Variants in ACACB observed in about 807,000 individuals in gnomAD.
ACACB encodes acetyl-CoA carboxylase 2.
In ACACB, 209 loss-of-function variants were observed where a neutral mutation model predicts 278.8. The observed-to-expected ratio is 0.75, with a 90% CI of 0.67 to 0.84. The LOEUF (loss-of-function observed/expected upper bound fraction) is 0.84. Among genes scored for constraint, ACACB ranks in the 40% least tolerant of loss-of-function variants. ACACB has a pLI of 0.00. For synonymous variants in ACACB, 1,174 were observed against 1,285.6 expected, an observed-to-expected ratio of 0.91 and a Z score of 1.86; for missense variants, 2,850 against 3,269.0, an observed-to-expected ratio of 0.87 and a Z score of 3.13.
At chr12:109,245,499 T>C in intron 37 of ACACB, 127 bp from the exon 38 acceptor site, 1 of 1,000,956 alleles carries the variant, frequency 1.0e-6, no homozygotes, top group African/African-American at 1.6e-5. Context: ...AAATATTTCA[T>C]GATTCAAAAA....
chr12:109,146,815 C>T (rs981081828), intron 2 of ACACB, among the ~76,000 whole-genome samples: 4 of 152,104 alleles, frequency 2.6e-5, no homozygotes, highest in Non-Finnish European at 5.9e-5. Context: ...GCTGGGACTA[C>T]AGGCACGTGC....
chr12:109,200,599 G>C (rs1353562373), intron 18 of ACACB, among the ~76,000 whole-genome samples: 1 of 152,120 alleles, frequency 6.6e-6, no homozygotes, highest in East Asian at 1.9e-4. Context: ...CCATGTGGCA[G>C]GTGCTGTTCT....
At chr12:109,175,117 A>G (rs549407605) in intron 7 of ACACB, among the ~76,000 whole-genome samples, 120 of 152,322 alleles carry the variant, frequency 7.9e-4, no homozygotes, top group African/African-American at 2.6e-3. Flanking sequence ...AGCTAAATTT[A>G]TGTGTGCATT....
chr12:109,246,286 C>T lies in ACACB; in HGVS notation c.5409C>T (p.Gly1803=). The part of the protein sequence containing the change: ...NDITFRIGSF[G]PGEDLLYLRA... ...TCACCTTTCGCATTGGATCCTTTGG[C>T]CCTGGAGAGGACCTTCTGTACCTGC... Residue 1803 remains glycine, a synonymous_variant, in exon 39 of 53, where the codon GGC becomes GGT. Transcript: ENST00000338432. 2 of 1,612,940 alleles carry T rather than the reference C, an allele frequency of 1.2e-6. No individual in the cohort carries two copies. The highest frequency in any genetic ancestry group is 1.7e-6 in the Non-Finnish European group (2 of 1,179,814).
Position 109,222,777 on chromosome 12 carries a change from G to A in ACACB, c.3679-22G>A, listed in dbSNP as rs370610378. The stretch of plus-strand genomic sequence containing the variant: ...CCCTGGGAGGTTGGCTCACGCCAGC[G>A]CCCCCATCCCTCCCCCTGCAGATCC... On this transcript the variant is annotated intron_variant, in intron 25 of 52. Transcript: ENST00000338432. 76 of 1,598,340 alleles carry A rather than the reference G, an allele frequency of 4.8e-5. 1 individual carries two copies. The East Asian group carries it at 5.6e-4, about 12-fold the overall frequency.
rs2045334120 is a variant in ACACB, at chr12:109,201,611, G to T, written c.2823G>T (p.Arg941=). 1 of 1,614,058 alleles carries T rather than the reference G, an allele frequency of 6.2e-7. No individual in the cohort carries two copies. The highest frequency in any genetic ancestry group is 8.5e-7 in the Non-Finnish European group (1 of 1,180,042). The part of the protein sequence containing the change: ...IMTLNVQERG[R]VKYIKRPGAV... Reference sequence around the variant, plus strand: ...CCCTGAACGTTCAGGAAAGAGGCCGGGTGAAGTACATCAAGCGTCCAGGTG... The same window carrying T: ...CCCTGAACGTTCAGGAAAGAGGCCGTGTGAAGTACATCAAGCGTCCAGGTG... Residue 941 remains arginine (R), a synonymous_variant, in exon 19 of 53, where the codon CGG becomes CGT. Transcript: ENST00000338432.
chr12:109,167,036 T>C, intron 3 of ACACB, 43 bp downstream of exon 3: 2 of 1,611,398 alleles, frequency 1.2e-6, no homozygotes, highest in Non-Finnish European at 1.7e-6. Context: ...CCGATTGGGG[T>C]GCAGGGGCCC....
chr12:109,238,548 G>A (rs1352152625), intron 34 of ACACB, among the ~76,000 whole-genome samples: 1 of 144,380 alleles, frequency 6.9e-6, no homozygotes, highest in Non-Finnish European at 1.5e-5. Context: ...TTATATAAAT[G>A]TATATATAAT....
chr12:109,129,637 C>T (rs1381632122), intron 1 of ACACB, among the ~76,000 whole-genome samples: 2 of 152,250 alleles, frequency 1.3e-5, no homozygotes, highest in South Asian at 2.1e-4. Flanking sequence ...TCAGCCTGGT[C>T]CATGCTGCTG....
In ACACB at chr12:109,262,426, G is replaced by A. The variant is rs2047403118; in HGVS notation, c.6744G>A (p.Met2248Ile). The A allele has an allele frequency of 4.3e-6, 7 of 1,613,902 alleles. No homozygotes were observed. The highest frequency in any genetic ancestry group is 5.9e-6 in the Non-Finnish European group (7 of 1,179,950). ...KFRKKDLIKS[M>I]RRIDPAYKKL... is the part of the protein sequence containing the mutation. The stretch of plus-strand genomic sequence containing the variant: ...GAAAGAAAGATCTGATAAAGTCCAT[G>A]AGAAGGATCGATCCAGCTTACAAGA... The change falls in exon 49 of 53, where the codon ATG (methionine) becomes ATA (isoleucine). Residue 2248 changes from methionine (M) to isoleucine (I), a missense_variant. Met to Ile is a conservative substitution (Grantham distance 10, BLOSUM62 1). This residue lies in a region of ACACB where 579 missense variants were observed against 684.6 expected (regional missense o/e 0.85). Transcript: ENST00000338432.
rs140166602 is a variant in ACACB at position 109,219,704 on chromosome 12, A to G, written c.3564+2784A>G. Among the ~76,000 whole-genome samples the G allele has an allele frequency of 1.9e-3, 289 of 152,336 alleles. 1 individual carries two copies. Among genetic ancestry groups the G allele is most frequent in the South Asian group, 0.013 (65 of 4,826 alleles). On this transcript the variant is annotated intron_variant, in intron 24 of 52. Transcript: ENST00000338432. ...GCGCACGTACGTTCTTATTAGAGAA[A>G]AATCAAATATGATAATGTGGCAAAA...
At position 109,222,612 on chromosome 12, in the gene ACACB, G is replaced by A; in HGVS notation, c.3670G>A (p.Ala1224Thr). ...KSEHCKVALRARQILIASHLP... is the reference protein window; with the variant it reads ...KSEHCKVALRTRQILIASHLP... Reference sequence around the variant, plus strand: ...CGAGCACTGCAAAGTGGCCCTCAGAGCCCGGCAGGTAGGGTCTCAGGGTGC... The same window carrying A: ...CGAGCACTGCAAAGTGGCCCTCAGAACCCGGCAGGTAGGGTCTCAGGGTGC... Residue 1224 changes from alanine to threonine, a missense_variant, in exon 25 of 53, where the codon GCC becomes ACC. This residue lies in a region of ACACB where 2,265 missense variants were observed against 2,561.3 expected (regional missense o/e 0.88). Transcript: ENST00000338432. 1.2e-6 allele frequency: 2 copies of A among 1,614,112 alleles called. No homozygotes were observed. The highest frequency in any genetic ancestry group is 1.1e-5 in the South Asian group (1 of 91,082).
At chr12:109,209,116 G>C (rs1312299062) in intron 20 of ACACB, 49 bp from the exon 21 acceptor site, 2 of 1,526,274 alleles carry the variant, frequency 1.3e-6, no homozygotes, top group African/African-American at 2.7e-5. Flanking sequence ...GGGCGGTGGT[G>C]CCCATGCCCA....
At chr12:109,205,926 G>A (rs1174473843) in intron 19 of ACACB, among the ~76,000 whole-genome samples, 1 of 152,140 alleles carries the variant, frequency 6.6e-6, no homozygotes, top group Non-Finnish European at 1.5e-5. Context: ...AGACGAATGA[G>A]CACATTTAGT....
intron 37 of ACACB, among the ~76,000 whole-genome samples, chr12:109,244,342 C>T (rs1054459589): frequency 2.6e-5 from 4 of 152,176 alleles, no homozygotes; most frequent in African/African-American, 4.8e-5. Context: ...TTCCTGCTGT[C>T]CCTAGCCAAG....
At chr12:109,262,689 C>T (rs539184556) in intron 49 of ACACB, among the ~76,000 whole-genome samples, 6 of 152,042 alleles carry the variant, frequency 3.9e-5, no homozygotes, top group African/African-American at 1.4e-4. Flanking sequence ...GGTGCAATCT[C>T]AGCTCACTGC....
intron 7 of ACACB, among the ~76,000 whole-genome samples, chr12:109,175,654 G>A (rs1326800894): frequency 2.0e-5 from 3 of 152,126 alleles, no homozygotes; most frequent in Non-Finnish European, 4.4e-5. Context: ...CTGGGTTCAA[G>A]CGATTCCCCC....
chr12:109,219,758 T>G (rs547376387), intron 24 of ACACB, among the ~76,000 whole-genome samples: 24 of 152,286 alleles, frequency 1.6e-4, no homozygotes, highest in African/African-American at 5.5e-4. Context: ...TCTAGGTGAT[T>G]ACTATGGGTT....
rs938594628 is a variant in ACACB, at chr12:109,193,754, T to C, written c.2481+25T>C. 4.5e-6 allele frequency: 7 copies of C among 1,568,490 alleles called. No individual in the cohort carries two copies. The African/African-American group carries it at 8.1e-5, about 18-fold the overall frequency. The stretch of plus-strand genomic sequence containing the variant: ...GGTAAATGCCCCCGTGCCTCTCCGA[T>C]GTCTCCAACACTCTGCAAGCTTCAG... On this transcript the variant is annotated intron_variant, in intron 16 of 52. Transcript: ENST00000338432.
Sources: gnomAD v4.1 joint callset for allele counts (sites outside exome capture counted in the v4.1 genomes callset) on GRCh38, gnomAD v4.1.1 for gene constraint, gnomAD v4.1.1 regional missense constraint, MANE v1.5 for transcripts, NCBI Gene and HGNC (gene_info 2026-07-23, HGNC 2026-07-21) for gene names.